CHD7: variants seen among roughly 807,000 people sequenced by gnomAD.
CHD7 encodes the protein ATP-dependent chromatin remodeler CHD7.
CHD7 carries 24 observed loss-of-function variants against 307.3 expected under a neutral mutation model. The observed-to-expected ratio is 0.08, with a 90% CI of 0.06 to 0.11. The LOEUF (loss-of-function observed/expected upper bound fraction) is 0.11, where lower values mean the gene tolerates loss of function less well. Ranked by LOEUF, CHD7 falls within the 10% of genes least tolerant of loss-of-function variation. The pLI is 1.00. For missense variants in CHD7, 3,106 were observed against 3,727.1 expected, an observed-to-expected ratio of 0.83 and a Z score of 4.34; for synonymous variants, 1,363 against 1,349.9, an observed-to-expected ratio of 1.01 and a Z score of -0.21.
chr8:60,703,520 C>G (rs540108201), intron 1 of CHD7, among the ~76,000 whole-genome samples: 8 of 152,190 alleles, frequency 5.3e-5, no homozygotes, highest in Non-Finnish European at 8.8e-5. Flanking sequence ...ACTCTCCCCC[C>G]ACCACCCAAC....
intron 2 of CHD7, among the ~76,000 whole-genome samples, chr8:60,765,635 G>C (rs546217267): frequency 6.6e-6 from 1 of 152,324 alleles, no homozygotes; most frequent in East Asian, 1.9e-4. Flanking sequence ...AAGTGCCTTT[G>C]TGCGGCTGCT....
At chr8:60,717,962 T>TC (rs1807693771) in intron 1 of CHD7, among the ~76,000 whole-genome samples, 1 of 102,096 alleles carries the variant, frequency 9.8e-6, no homozygotes, top group South Asian at 4.6e-4. Flanking sequence ...TTCTACCATT[T>TC]TTTTTTAAAT....
At chr8:60,830,161 C>G (rs978353740) in intron 14 of CHD7, among the ~76,000 whole-genome samples, 161 bp from the exon 15 acceptor site, 1 of 152,194 alleles carries the variant, frequency 6.6e-6, no homozygotes, top group East Asian at 1.9e-4. Context: ...ATGCACTGCT[C>G]TTATGAAAGC....
intron 1 of CHD7, among the ~76,000 whole-genome samples, chr8:60,715,978 C>T (rs1239697040): frequency 6.6e-6 from 1 of 152,198 alleles, no homozygotes; most frequent in East Asian, 1.9e-4. Flanking sequence ...TAAAATGAGA[C>T]AGCAGATGTT....
At chr8:60,807,753 G>C (rs1311469803) in intron 6 of CHD7, among the ~76,000 whole-genome samples, 1 of 152,218 alleles carries the variant, frequency 6.6e-6, no homozygotes, top group African/African-American at 2.4e-5. Flanking sequence ...AGTATATGGA[G>C]AAATAAATGT....
intron 1 of CHD7, among the ~76,000 whole-genome samples, chr8:60,685,857 T>C (rs1023913388): frequency 6.6e-6 from 1 of 152,188 alleles, no homozygotes; most frequent in Non-Finnish European, 1.5e-5. Flanking sequence ...ATTATGAAAA[T>C]ACAGGACAGT....
intron 4 of CHD7, among the ~76,000 whole-genome samples, chr8:60,796,121 C>G (rs1163043146): frequency 6.6e-6 from 1 of 152,170 alleles, no homozygotes; most frequent in Non-Finnish European, 1.5e-5. Context: ...TATAACTTCA[C>G]AGAATAGCCT....
intron 6 of CHD7, 92 bp downstream of exon 6, chr8:60,801,685 TATAAA>T: frequency 1.2e-6 from 1 of 837,728 alleles, no homozygotes; most frequent in Non-Finnish European, 1.9e-6. Context: ...ATTCTAATAT[TATAAA>T]ATAAAACTTC....
At chr8:60,686,408 T>C (rs935349566) in intron 1 of CHD7, among the ~76,000 whole-genome samples, 6 of 152,042 alleles carry the variant, frequency 3.9e-5, no homozygotes, top group Non-Finnish European at 7.4e-5. Flanking sequence ...GCCAGCAGTG[T>C]ATTCTTAGGG....
At chr8:60,819,580 T>C (rs563906439) in intron 8 of CHD7, among the ~76,000 whole-genome samples, 1 of 152,338 alleles carries the variant, frequency 6.6e-6, no homozygotes, top group African/African-American at 2.4e-5. Flanking sequence ...ATTTTGTAGA[T>C]ATGCTATAAG....
intron 7 of CHD7, among the ~76,000 whole-genome samples, chr8:60,810,380 A>AGAGAGTGTGT (rs534826288): frequency 2.1e-5 from 3 of 145,980 alleles, no homozygotes; most frequent in Non-Finnish European, 3.0e-5. Context: ...AGAGAGAGAG[A>AGAGAGTGTGT]GTGTGTGTGT....
Position 60,736,323 on chromosome 8 carries a change from C to G in CHD7, c.-174-4936C>G, listed in dbSNP as rs1049846832. Among the ~76,000 whole-genome samples, 15 of 152,212 alleles carry G rather than the reference C, an allele frequency of 9.9e-5. No individual in the cohort carries two copies. The South Asian group carries it at 3.1e-3, about 32-fold the overall frequency. ...GGCAGTGGGAGGAGATTCCTGTTAACCGGATTCAGGATCTAGCTGAAAGGA... is the reference window on the plus strand; with the variant it reads ...GGCAGTGGGAGGAGATTCCTGTTAAGCGGATTCAGGATCTAGCTGAAAGGA... On this transcript the variant is annotated intron_variant, in intron 1 of 37. Transcript: ENST00000423902.
chr8:60,705,655 A>T (rs1019520098), intron 1 of CHD7, among the ~76,000 whole-genome samples: 1 of 152,256 alleles, frequency 6.6e-6, no homozygotes, highest in Non-Finnish European at 1.5e-5. Context: ...CTTATTGAGT[A>T]AAAATGGCAG....
At chr8:60,746,923 G>A (rs578136693) in intron 2 of CHD7, among the ~76,000 whole-genome samples, 21 of 152,314 alleles carry the variant, frequency 1.4e-4, no homozygotes, top group Admixed American at 7.8e-4. Context: ...TAGCTAATTA[G>A]AACAGTTTTT....
intron 15 of CHD7, among the ~76,000 whole-genome samples, chr8:60,833,151 G>A (rs576696207): frequency 1.3e-5 from 2 of 152,244 alleles, no homozygotes; most frequent in South Asian, 4.1e-4. Context: ...CTTTAATTTG[G>A]GAGATTACAT....
In CHD7 at chr8:60,742,511, G is replaced by T; in HGVS notation, c.1079G>T (p.Gly360Val). ...AVGFPSNSGQ[G>V]LMHQQPIHPS... ...GGATTCCCATCAAACAGTGGTCAAGGACTAATGCACCAGCAGCCCATCCAC... is the reference window on the plus strand; with the variant it reads ...GGATTCCCATCAAACAGTGGTCAAGTACTAATGCACCAGCAGCCCATCCAC... Residue 360 changes from glycine (G) to valine (V), a missense_variant, in exon 2 of 38, where the codon GGA becomes GTA. This residue lies in a region of CHD7 where 998 missense variants were observed against 1,004.5 expected (regional missense o/e 0.99). Transcript: ENST00000423902. The T allele has an allele frequency of 6.2e-7, 1 of 1,613,922 alleles. No individual in the cohort carries two copies. Among genetic ancestry groups the T allele is most frequent in the Non-Finnish European group, 8.5e-7 (1 of 1,179,868 alleles).
At chr8:60,844,832 G>T (rs764575882) in intron 21 of CHD7, 32 bp from the exon 22 acceptor site, 1 of 1,515,810 alleles carries the variant, frequency 6.6e-7, no homozygotes, top group Admixed American at 2.1e-5. Flanking sequence ...AAACTCACAG[G>T]CACCTCTGCA....
chr8:60,801,641 T>C lies in CHD7; in HGVS notation c.2442+48T>C, dbSNP rs777130084. The C allele has an allele frequency of 1.3e-5, 16 of 1,187,956 alleles. No homozygotes were observed. The East Asian group carries it at 3.8e-4, about 28-fold the overall frequency. The allele number at this position is 1,187,956 out of a possible 1,614,324, so 73.6% of individuals were successfully genotyped here. On this transcript the variant is annotated intron_variant, in intron 6 of 37. Coordinates refer to ENST00000423902, the MANE Select transcript of CHD7 (RefSeq NM_017780.4). Reference sequence around the variant, plus strand: ...AAATCTGTGAGGTGTATGTGACTCTTACAGGATTGTTGGCTTTGTAATTTT... The same window carrying C: ...AAATCTGTGAGGTGTATGTGACTCTCACAGGATTGTTGGCTTTGTAATTTT...
In CHD7 at chr8:60,853,383, G is replaced by A; in HGVS notation, c.6658G>A (p.Gly2220Ser). The change falls in exon 31 of 38, where the codon GGT becomes AGT. Residue 2220 changes from glycine (G) to serine (S), a missense_variant. Gly to Ser is a moderately conservative substitution (Grantham distance 56). Coordinates refer to ENST00000423902, the MANE Select transcript of CHD7 (RefSeq NM_017780.4). ...EASSVKNELK[G>S]VEVGADTGSK... ...CAGCTCTGTGAAAAATGAACTGAAA[G>A]GTGTTGAGGTCGGCGCAGACACTGG... is the stretch of plus-strand genomic sequence containing the variant. 1 of 1,545,338 alleles carries A rather than the reference G, an allele frequency of 6.5e-7. No individual in the cohort carries two copies. The highest frequency in any genetic ancestry group is 8.7e-7 in the Non-Finnish European group (1 of 1,149,560).
Sources: allele counts gnomAD v4.1 joint callset (sites outside exome capture counted in the v4.1 genomes callset), GRCh38; gene constraint gnomAD v4.1.1; regional missense constraint gnomAD v4.1.1; transcripts MANE v1.5; gene names NCBI Gene and HGNC (gene_info 2026-07-23, HGNC 2026-07-21).